The following TPD52L3 variants were observed in gnomAD, a reference collection of about 807,000 sequenced individuals.
The protein encoded by TPD52L3 is tumor protein D55.
TPD52L3 carries 12 observed loss-of-function variants against 8.7 expected under a neutral mutation model. That is an observed-to-expected ratio of 1.38 (90% CI 0.89 to 2.24). TPD52L3 has a LOEUF of 2.24. Ranked by LOEUF, TPD52L3 falls within the 30% of genes most tolerant of loss-of-function variation. The pLI is 0.00. For missense variants in TPD52L3, 207 were observed against 158.7 expected (o/e 1.30, Z -1.64); for synonymous variants, 79 against 66.8 (o/e 1.18, Z -0.89).
chr9:6,329,770 C>T (rs1457396573), intron 1 of TPD52L3: 3 of 1,016,442 alleles, frequency 3.0e-6, no homozygotes, highest in Non-Finnish European at 3.6e-6. Flanking sequence ...TTGTAAAACT[C>T]GTTTGTTTTC....
At chr9:6,330,541 A>G in intron 1 of TPD52L3, 1 of 1,202,406 alleles carries the variant, frequency 8.3e-7, no homozygotes, top group South Asian at 3.5e-5. Flanking sequence ...TCCTATAAGC[A>G]AAACCAAATA....
chr9:6,329,070 T>C, intron 1 of TPD52L3, 108 bp downstream of exon 1: 3 of 1,577,084 alleles, frequency 1.9e-6, no homozygotes, highest in South Asian at 2.4e-5. Context: ...TTTTGGGGTG[T>C]GGGGAAGACC....
Position 6,328,430 on chromosome 9 carries a change from G to T in TPD52L3, c.-166G>T, listed in dbSNP as rs928506214. 2.5e-6 allele frequency: 2 copies of T among 788,798 alleles called. No individual in the cohort carries two copies. The highest frequency in any genetic ancestry group is 4.0e-6 in the Non-Finnish European group (2 of 497,224). 48.9% of individuals were successfully genotyped at this position (788,798 alleles called of 1,614,324 possible). Reference sequence around the variant, plus strand: ...GTGTCCATTGTACCAGCTGGGCCATGGATCCCTCCCGCCTGAAATCTGACT... The same window carrying T: ...GTGTCCATTGTACCAGCTGGGCCATTGATCCCTCCCGCCTGAAATCTGACT... On this transcript the variant is annotated 5_prime_UTR_variant, in exon 1 of 2. The change abolishes an upstream ATG in the 5' untranslated region. Coordinates refer to ENST00000314556, the MANE Select transcript of TPD52L3 (RefSeq NM_001001874.3).
chr9:6,330,066 G>T, intron 1 of TPD52L3: 3 of 1,515,216 alleles, frequency 2.0e-6, no homozygotes, highest in Non-Finnish European at 2.6e-6. Flanking sequence ...ATAAACCCCT[G>T]TCTCAAGGAA....
At chr9:6,330,044 A>T (rs1564106282) in intron 1 of TPD52L3, 13 of 1,444,090 alleles carry the variant, frequency 9.0e-6, no homozygotes, top group Non-Finnish European at 1.1e-5. Flanking sequence ...GGTATAGCCA[A>T]ATTCAAGAAA....
chr9:6,328,625 G>A lies in TPD52L3; in HGVS notation c.30G>A (p.Val10=). The A allele has an allele frequency of 6.2e-7, 1 of 1,613,910 alleles. No individual in the cohort carries two copies. The highest frequency in any genetic ancestry group is 1.3e-5 in the African/African-American group (1 of 75,026). Residue 10 remains valine (V), a synonymous_variant, in exon 1 of 2, where the codon GTG becomes GTA. Coordinates refer to ENST00000314556, the MANE Select transcript of TPD52L3 (RefSeq NM_001001874.3). Reference sequence around the variant, plus strand: ...CACATGCCAGGACAGAGACCTCTGTGGGCACATATGAATCCCACTCGACTT... The same window carrying A: ...CACATGCCAGGACAGAGACCTCTGTAGGCACATATGAATCCCACTCGACTT... MPHARTETS[V]GTYESHSTSE...
At position 6,328,772 on chromosome 9, in the gene TPD52L3, A is replaced by C; in HGVS notation, c.177A>C (p.Glu59Asp). The change falls in exon 1 of 2, where the codon GAA becomes GAC. Residue 59 changes from glutamate to aspartate, a missense_variant. Physicochemically the swap from Glu to Asp is conservative, Grantham distance 45. Coordinates refer to ENST00000314556, the MANE Select transcript of TPD52L3 (RefSeq NM_001001874.3). ...VLAAKERRCG[E>D]LKRKLGLTAL... ...CAGCCAAAGAGAGACGCTGTGGGGA[A>C]CTCAAGAGGAAGTTAGGCCTCACCG... 1 of 1,614,054 alleles carries C rather than the reference A, an allele frequency of 6.2e-7. No individual in the cohort carries two copies. Among genetic ancestry groups the C allele is most frequent in the Non-Finnish European group, 8.5e-7 (1 of 1,180,014 alleles).
In TPD52L3 at chr9:6,329,438, G is replaced by A. The variant is rs973945533; in HGVS notation, c.367+476G>A. On this transcript the variant is annotated intron_variant, in intron 1 of 1. Coordinates refer to ENST00000314556, the MANE Select transcript of TPD52L3 (RefSeq NM_001001874.3). ...AGCTTTCCTGAGACTGTATCTAATG[G>A]GCAAGTCAGTGGCTCCAGAGGGGTC... The A allele has an allele frequency of 1.1e-5, 11 of 1,038,230 alleles. No homozygotes were observed. In the African/African-American group the frequency reaches 1.7e-4, roughly 16 times the overall value. 64.3% of individuals were successfully genotyped at this position (1,038,230 alleles called of 1,614,324 possible). A position where few individuals can be genotyped will look rare whatever the true frequency, so the allele number is the denominator to read the frequency against.
In TPD52L3 at chr9:6,331,030, T is replaced by C; in HGVS notation, c.*11T>C. 1.2e-6 allele frequency: 2 copies of C among 1,609,554 alleles called. 1 individual carries two copies. Among genetic ancestry groups the C allele is most frequent in the South Asian group, 2.2e-5 (2 of 90,242 alleles). On this transcript the variant is annotated 3_prime_UTR_variant, in exon 2 of 2. Transcript: ENST00000314556. ...CAAGGAAGGAATTAACATCATATAC[T>C]TCAGACATCAAATATGGAATCCAAG...
rs932431426 is a variant in TPD52L3, at chr9:6,331,346, C to A, written c.*327C>A. On this transcript the variant is annotated 3_prime_UTR_variant, in exon 2 of 2. Transcript: ENST00000314556. ...TAAAGACTTTAGAGAGACAGAAAGT[C>A]TTAGAGGACTAGGAGAAGTTTGCCA... The A allele has an allele frequency of 1.0e-5, 2 of 198,654 alleles. No homozygotes were observed. The highest frequency in any genetic ancestry group is 2.0e-5 in the Non-Finnish European group (2 of 98,764). The allele number at this position is 198,654 out of a possible 1,614,324, so 12.3% of individuals were successfully genotyped here.
At chr9:6,329,344 T>G (rs1304543084) in intron 1 of TPD52L3, 44 of 1,116,182 alleles carry the variant, frequency 3.9e-5, no homozygotes, top group Non-Finnish European at 4.6e-5. Context: ...GCTTTTAAGA[T>G]AGAGAACCCA....
At chr9:6,329,255 A>G in intron 1 of TPD52L3, 1 of 1,338,432 alleles carries the variant, frequency 7.5e-7, no homozygotes, top group South Asian at 2.2e-5. Flanking sequence ...AAAAACAAGC[A>G]AGCAAACCAC....
intron 1 of TPD52L3, chr9:6,329,517 G>C: frequency 9.9e-7 from 1 of 1,010,676 alleles, no homozygotes; most frequent in Non-Finnish European, 1.2e-6. Flanking sequence ...GAAAGCCAAA[G>C]TAGAGTTCTG....
chr9:6,328,834 G>A lies in TPD52L3; in HGVS notation c.239G>A (p.Trp80Ter). 6.2e-7 allele frequency: 1 copy of A among 1,614,178 alleles called. No individual in the cohort carries two copies. ...VGLRQNLSKSWLDVQVSNTYV... is the reference protein window; with the variant it reads ...VGLRQNLSKS ...CTGAGACAGAATCTGTCCAAGAGCT[G>A]GCTTGATGTTCAGGTCTCCAACACC... The change falls in exon 1 of 2, where the codon TGG becomes TAG. Residue 80 changes from tryptophan to a stop codon, truncating the protein, a stop_gained. Coordinates refer to ENST00000314556, the MANE Select transcript of TPD52L3 (RefSeq NM_001001874.3). LOFTEE classifies it high-confidence loss of function.
chr9:6,330,033 A>T, intron 1 of TPD52L3: 1 of 1,402,648 alleles, frequency 7.1e-7, no homozygotes, highest in Admixed American at 2.9e-5. Flanking sequence ...GGAGGAAAAC[A>T]GGTATAGCCA....
chr9:6,329,932 T>G, intron 1 of TPD52L3: 1 of 1,296,746 alleles, frequency 7.7e-7, no homozygotes, highest in Non-Finnish European at 9.8e-7. Flanking sequence ...TGAAGCAGCA[T>G]GTCTTTGCCA....
In TPD52L3 at chr9:6,331,268, G is replaced by C. The variant is rs1024862694; in HGVS notation, c.*249G>C. ...AGTCCTAAAATAGAGCTGTGTGCCA[G>C]AGATAAAAGAAGTCCTGAGGAAGGG... On this transcript the variant is annotated 3_prime_UTR_variant, in exon 2 of 2. Transcript: ENST00000314556. 1 of 355,200 alleles carries C rather than the reference G, an allele frequency of 2.8e-6. No homozygotes were observed. The highest frequency in any genetic ancestry group is 2.1e-5 in the African/African-American group (1 of 47,522). 22.0% of individuals were successfully genotyped at this position (355,200 alleles called of 1,614,324 possible).
Position 6,328,718 on chromosome 9 carries a change from T to C in TPD52L3, c.123T>C (p.Ala41=). ...ELKTKLTKLE[A]EIVTLRHVLA... is the part of the protein sequence containing the mutation. ...AAACCAAACTCACTAAATTGGAGGC[T>C]GAAATTGTAACCCTACGCCACGTAC... The change falls in exon 1 of 2, where the codon GCT becomes GCC. Residue 41 remains alanine (A), a synonymous_variant. Coordinates refer to ENST00000314556, the MANE Select transcript of TPD52L3 (RefSeq NM_001001874.3). The C allele has an allele frequency of 6.2e-7, 1 of 1,614,116 alleles. No individual in the cohort carries two copies.
At chr9:6,330,464 C>A in intron 1 of TPD52L3, 1 of 1,313,760 alleles carries the variant, frequency 7.6e-7, no homozygotes, top group East Asian at 3.0e-5. Context: ...AATGGTAATC[C>A]CTCCAGCCTA....
Sources: allele counts gnomAD v4.1 joint callset, GRCh38; gene constraint gnomAD v4.1.1; transcripts MANE v1.5; gene names NCBI Gene and HGNC (gene_info 2026-07-23, HGNC 2026-07-21).